PDGFD: variants seen among roughly 807,000 people sequenced by gnomAD.
PDGFD encodes the protein platelet derived growth factor D.
Under a neutral mutation model 44.7 loss-of-function variants are expected in PDGFD, and 30 were observed. The observed-to-expected ratio is 0.67, with a 90% CI of 0.50 to 0.91. The LOEUF is 0.91. PDGFD is among the 40% of genes least tolerant of loss of function. PDGFD has a pLI of 0.00. For synonymous variants in PDGFD, 173 were observed against 168.4 expected, an observed-to-expected ratio of 1.03 and a Z score of -0.21; for missense variants, 445 against 457.8, an observed-to-expected ratio of 0.97 and a Z score of 0.25.
intron 1 of PDGFD, among the ~76,000 whole-genome samples, chr11:104,147,038 C>CT (rs1170275505): frequency 1.3e-5 from 2 of 151,548 alleles, no homozygotes; most frequent in Non-Finnish European, 2.9e-5. Context: ...TTAAAAACCA[C>CT]TTCTTTGTTG....
At chr11:104,001,340 A>G (rs1414169030) in intron 1 of PDGFD, among the ~76,000 whole-genome samples, 3 of 152,152 alleles carry the variant, frequency 2.0e-5, no homozygotes, top group African/African-American at 7.2e-5. Context: ...CTCAGACCTT[A>G]CCCTATGTGC....
chr11:104,074,119 T>C (rs893681106), intron 1 of PDGFD, among the ~76,000 whole-genome samples: 2 of 152,116 alleles, frequency 1.3e-5, no homozygotes, highest in Admixed American at 6.6e-5. Context: ...AGCCTGGGGA[T>C]AGTCTGCTTA....
At chr11:104,058,225 G>T (rs563544913) in intron 1 of PDGFD, among the ~76,000 whole-genome samples, 1 of 152,230 alleles carries the variant, frequency 6.6e-6, no homozygotes, top group African/African-American at 2.4e-5. Context: ...CCTCTGAGTG[G>T]GAGAAATTAT....
rs1448042355 is a variant in PDGFD, at chr11:104,096,555, G to GT, written c.124+67248dup. On this transcript the variant is annotated intron_variant, in intron 1 of 6. Coordinates refer to ENST00000393158, the MANE Select transcript of PDGFD (RefSeq NM_025208.5). The stretch of plus-strand genomic sequence containing the variant: ...CTTCACTAAACACAAGGCACTCAGA[G>GT]TGACAGAGGATGCACAGAAGATTTA... Among the ~76,000 whole-genome samples the GT allele has an allele frequency of 3.6e-4, 55 of 152,144 alleles. 1 individual carries two copies. The highest frequency in any genetic ancestry group is 2.9e-5 in the Non-Finnish European group (2 of 68,026).
At chr11:104,128,143 TTAAG>T in intron 1 of PDGFD, among the ~76,000 whole-genome samples, 1 of 127,416 alleles carries the variant, frequency 7.8e-6, no homozygotes, top group Non-Finnish European at 1.6e-5. Context: ...CTACATCTGA[TTAAG>T]TGTTAAATCT....
rs530684647 is a variant in PDGFD, at chr11:104,052,499, T to C, written c.125-52244A>G. Among the ~76,000 whole-genome samples the C allele has an allele frequency of 2.6e-5, 4 of 152,340 alleles. No homozygotes were observed. The East Asian group carries it at 7.7e-4, about 29-fold the overall frequency. The stretch of plus-strand genomic sequence containing the variant: ...AGATATAGTAAATATTTATTAATTA[T>C]TGATGAGCTGGAAGGTTTGGGGTTC... On this transcript the variant is annotated intron_variant, in intron 1 of 6. Coordinates refer to ENST00000393158, the MANE Select transcript of PDGFD (RefSeq NM_025208.5).
intron 1 of PDGFD, among the ~76,000 whole-genome samples, chr11:104,121,627 T>C (rs1464959042): frequency 6.6e-6 from 1 of 152,052 alleles, no homozygotes; most frequent in Admixed American, 6.6e-5. Context: ...TTAGATTAAA[T>C]AGACATAAAG....
intron 2 of PDGFD, among the ~76,000 whole-genome samples, chr11:103,997,349 C>T (rs913968844): frequency 6.6e-6 from 1 of 152,092 alleles, no homozygotes; most frequent in Non-Finnish European, 1.5e-5. Flanking sequence ...ATAGAGAAAC[C>T]AATATGGCCT....
chr11:104,038,161 G>A (rs1448417979), intron 1 of PDGFD: 4 of 772,294 alleles, frequency 5.2e-6, no homozygotes, highest in East Asian at 5.4e-5. Context: ...GGTAACTAAC[G>A]TCAATCCTGA....
intron 1 of PDGFD, among the ~76,000 whole-genome samples, chr11:104,108,171 C>G (rs1052224354): frequency 6.6e-6 from 1 of 151,830 alleles, no homozygotes; most frequent in Non-Finnish European, 1.5e-5. Context: ...GATAAGACAC[C>G]AAAAGCAATG....
At chr11:103,977,824 T>G (rs1042067467) in intron 3 of PDGFD, among the ~76,000 whole-genome samples, 2 of 152,082 alleles carry the variant, frequency 1.3e-5, no homozygotes, top group Non-Finnish European at 2.9e-5. Context: ...TGTACAGAGA[T>G]GCTTTTTCTT....
chr11:104,019,390 G>A (rs931383658), intron 1 of PDGFD, among the ~76,000 whole-genome samples: 1 of 152,122 alleles, frequency 6.6e-6, no homozygotes, highest in African/African-American at 2.4e-5. Flanking sequence ...GCCCATTAAT[G>A]TCTGAGAAAT....
At chr11:104,148,689 C>T (rs1343498712) in intron 1 of PDGFD, among the ~76,000 whole-genome samples, 1 of 151,986 alleles carries the variant, frequency 6.6e-6, no homozygotes, top group Admixed American at 6.6e-5. Flanking sequence ...ATTTCATTAC[C>T]TACGTATTAA....
At chr11:104,144,099 T>C (rs1862125656) in intron 1 of PDGFD, among the ~76,000 whole-genome samples, 1 of 152,112 alleles carries the variant, frequency 6.6e-6, no homozygotes, top group African/African-American at 2.4e-5. Context: ...TCTACAACTG[T>C]GACTTGAAGG....
chr11:103,945,132 C>T (rs1298293576), intron 4 of PDGFD, among the ~76,000 whole-genome samples: 2 of 152,086 alleles, frequency 1.3e-5, no homozygotes, highest in Admixed American at 6.6e-5. Flanking sequence ...TCATACATTA[C>T]GGAAGAATCC....
Position 104,119,189 on chromosome 11 carries a change from T to C in PDGFD, c.124+44615A>G, listed in dbSNP as rs1481395231. 7.3e-4 allele frequency among the ~76,000 whole-genome samples: 3 copies of C among 4,084 alleles called. 1 individual carries two copies. Among genetic ancestry groups the C allele is most frequent in the African/African-American group, 2.6e-3 (3 of 1,148 alleles). The allele number at this position is 4,084 out of a possible 152,430, so 2.7% of individuals were successfully genotyped here. A position where few individuals can be genotyped will look rare whatever the true frequency, so the allele number is the denominator to read the frequency against. On this transcript the variant is annotated intron_variant, in intron 1 of 6. Coordinates refer to ENST00000393158, the MANE Select transcript of PDGFD (RefSeq NM_025208.5). ...CATATAATATATTAATATAATATATTGATATAATATATAATATATTAATAT... is the reference window on the plus strand; with the variant it reads ...CATATAATATATTAATATAATATATCGATATAATATATAATATATTAATAT...
intron 3 of PDGFD, among the ~76,000 whole-genome samples, chr11:103,962,037 G>A (rs945620413): frequency 6.6e-6 from 1 of 152,040 alleles, no homozygotes; most frequent in Non-Finnish European, 1.5e-5. Context: ...TAACATAATG[G>A]GGTTCCTAGG....
chr11:104,161,540 T>C (rs904616438), intron 1 of PDGFD, among the ~76,000 whole-genome samples: 4 of 152,240 alleles, frequency 2.6e-5, no homozygotes, highest in African/African-American at 2.4e-5. Context: ...TTCTCAACCA[T>C]TTTTTCACTA....
At chr11:104,082,296 T>C (rs962459407) in intron 1 of PDGFD, among the ~76,000 whole-genome samples, 6 of 151,942 alleles carry the variant, frequency 3.9e-5, no homozygotes, top group Non-Finnish European at 8.8e-5. Flanking sequence ...GAGTGGCTAC[T>C]CCTTCTTGAT....
Sources: gnomAD v4.1 joint callset for allele counts (sites outside exome capture counted in the v4.1 genomes callset) on GRCh38, gnomAD v4.1.1 for gene constraint, MANE v1.5 for transcripts, NCBI Gene and HGNC (gene_info 2026-07-23, HGNC 2026-07-21) for gene names.